The following GDPD1 variants were observed in gnomAD, a reference collection of about 807,000 sequenced individuals.
GDPD1 encodes glycerophosphodiester phosphodiesterase domain containing 1.
GDPD1 carries 28 observed loss-of-function variants against 45.1 expected under a neutral mutation model. The ratio of observed to expected loss-of-function variants is 0.62; its 90% CI spans 0.46 to 0.85. The LOEUF is 0.85. Ranked by LOEUF, GDPD1 falls within the 40% of genes least tolerant of loss-of-function variation. GDPD1 has a pLI of 0.00. For missense variants in GDPD1, 256 were observed against 364.8 expected (o/e 0.70, Z 2.43); for synonymous variants, 139 against 131.4 (o/e 1.06, Z -0.40).
chr17:59,261,777 G>T lies in GDPD1; in HGVS notation c.576+3937G>T, dbSNP rs1045059656. ...GCCTTTTGAGTAGCTGGGACTACAG[G>T]TATGTACCACCATGCCTGGCTAATT... On this transcript the variant is annotated intron_variant, in intron 6 of 9. Coordinates refer to ENST00000284116, the MANE Select transcript of GDPD1 (RefSeq NM_182569.4). 9.2e-5 allele frequency among the ~76,000 whole-genome samples: 14 copies of T among 151,872 alleles called. No homozygotes were observed. In the South Asian group the frequency reaches 1.2e-3, roughly 14 times the overall value.
intron 1 of GDPD1, among the ~76,000 whole-genome samples, chr17:59,222,617 C>G (rs888601733): frequency 4.1e-5 from 6 of 146,994 alleles, no homozygotes; most frequent in Non-Finnish European, 8.9e-5. Flanking sequence ...TGTGTTCAAG[C>G]GATTCTCCTG....
intron 6 of GDPD1, among the ~76,000 whole-genome samples, chr17:59,265,623 C>G (rs1371670995): frequency 6.6e-6 from 1 of 151,610 alleles, no homozygotes; most frequent in Non-Finnish European, 1.5e-5. Flanking sequence ...GTTGGCCAGG[C>G]AAGGTGGCTC....
intron 8 of GDPD1, among the ~76,000 whole-genome samples, chr17:59,271,911 A>G (rs2047447306): frequency 6.6e-6 from 1 of 152,156 alleles, no homozygotes; most frequent in Non-Finnish European, 1.5e-5. Context: ...CTGGGATTAC[A>G]GGTGTGAGCC....
At chr17:59,223,137 C>T (rs1362847806) in intron 1 of GDPD1, among the ~76,000 whole-genome samples, 2 of 152,116 alleles carry the variant, frequency 1.3e-5, no homozygotes, top group Non-Finnish European at 2.9e-5. Context: ...TTTTCGTTTA[C>T]TGTTGAAAAT....
intron 8 of GDPD1, 28 bp from the exon 9 acceptor site, chr17:59,272,757 T>A (rs370216059): frequency 1.4e-6 from 2 of 1,389,256 alleles, no homozygotes; most frequent in Admixed American, 1.7e-5. Context: ...ACTAAATTCC[T>A]AAATCAGTTT....
chr17:59,231,480 C>T (rs2047089748), intron 1 of GDPD1, among the ~76,000 whole-genome samples: 1 of 151,820 alleles, frequency 6.6e-6, no homozygotes, highest in Admixed American at 6.6e-5. Flanking sequence ...GCACCCACCA[C>T]CATGCCCAGC....
At chr17:59,230,731 A>G (rs137934271) in intron 1 of GDPD1, among the ~76,000 whole-genome samples, 45 of 152,208 alleles carry the variant, frequency 3.0e-4, no homozygotes, top group African/African-American at 1.1e-3. Context: ...TTAAAGATTA[A>G]AGGTGATTAG....
intron 1 of GDPD1, among the ~76,000 whole-genome samples, chr17:59,230,673 T>C (rs1373003845): frequency 1.3e-5 from 2 of 152,086 alleles, no homozygotes; most frequent in African/African-American, 4.8e-5. Flanking sequence ...TGAGCCACCA[T>C]GCCCGGCCCA....
At chr17:59,270,382 C>CG (rs11412206) in intron 7 of GDPD1, among the ~76,000 whole-genome samples, 15,184 of 147,070 alleles carry the variant, frequency 0.1, 1,544 homozygotes, top group African/African-American at 0.26. Context: ...TTAGTAGAGA[C>CG]GGGGGGGGGT....
chr17:59,272,975 C>T (rs1177913918), intron 9 of GDPD1, 139 bp downstream of exon 9: 2 of 1,549,018 alleles, frequency 1.3e-6, no homozygotes, highest in Non-Finnish European at 1.7e-6. Flanking sequence ...AAATGAGGAC[C>T]TTAAGCTCTT....
At chr17:59,243,667 C>T (rs1006191144) in intron 2 of GDPD1, among the ~76,000 whole-genome samples, 2 of 152,174 alleles carry the variant, frequency 1.3e-5, no homozygotes, top group Non-Finnish European at 2.9e-5. Context: ...TCTCCATCAT[C>T]GTACCTATTT....
At position 59,227,185 on chromosome 17, in the gene GDPD1, G is replaced by T. The variant is rs1490544356; in HGVS notation, c.142+6434G>T. ...ACACACCTGTAATCCCAGCACTTTG[G>T]GAGGCCGAGGATCACCTGAGGTCAG... On this transcript the variant is annotated intron_variant, in intron 1 of 9. Transcript: ENST00000284116. Among the ~76,000 whole-genome samples the T allele has an allele frequency of 2.0e-5, 3 of 151,780 alleles. No individual in the cohort carries two copies. The East Asian group carries it at 5.8e-4, about 29-fold the overall frequency.
chr17:59,248,332 T>A (rs1262757147), intron 3 of GDPD1, among the ~76,000 whole-genome samples: 2 of 151,202 alleles, frequency 1.3e-5, no homozygotes, highest in Non-Finnish European at 2.9e-5. Flanking sequence ...AATAAAATAA[T>A]ATTTACTAGT....
rs181784326 is a variant in GDPD1, at chr17:59,273,079, G to A, written c.822+243G>A. On this transcript the variant is annotated intron_variant, in intron 9 of 9. Coordinates refer to ENST00000284116, the MANE Select transcript of GDPD1 (RefSeq NM_182569.4). ...GCCAGAGGGGTGGGACAGTGTTTGT[G>A]TGTGTGTATATATATATAAATATAT... 1,535 of 471,274 alleles carry A rather than the reference G, an allele frequency of 3.3e-3. 4 individuals carry two copies. The highest frequency in any genetic ancestry group is 4.3e-3 in the Non-Finnish European group (1,242 of 288,938). 29.2% of individuals were successfully genotyped at this position (471,274 alleles called of 1,614,324 possible).
intron 3 of GDPD1, among the ~76,000 whole-genome samples, chr17:59,247,442 C>G (rs536333221): frequency 1.8e-4 from 28 of 152,240 alleles, no homozygotes; most frequent in African/African-American, 6.5e-4. Context: ...ATAGTTTTGT[C>G]TTTTCCAGAA....
intron 3 of GDPD1, 27 bp from the exon 4 acceptor site, chr17:59,248,713 T>G (rs1471010282): frequency 1.3e-6 from 2 of 1,526,784 alleles, no homozygotes; most frequent in South Asian, 1.2e-5. Context: ...GAGAGTTAAC[T>G]TTTTTTTCAA....
At chr17:59,245,668 TAAACATCAAAG>T (rs1444883886) in intron 3 of GDPD1, 119 bp downstream of exon 3, 1 of 732,116 alleles carries the variant, frequency 1.4e-6, no homozygotes, top group Non-Finnish European at 2.1e-6. Context: ...GATTAAATAC[TAAACATCAAAG>T]GAAATTTTAA....
intron 4 of GDPD1, 60 bp from the exon 5 acceptor site, chr17:59,257,062 T>C: frequency 1.3e-6 from 1 of 793,748 alleles, no homozygotes; most frequent in Non-Finnish European, 2.1e-6. Flanking sequence ...ATACCTTCTC[T>C]AGTCATCAAA....
intron 2 of GDPD1, among the ~76,000 whole-genome samples, chr17:59,241,858 G>A (rs2047178226): frequency 6.6e-6 from 1 of 151,950 alleles, no homozygotes; most frequent in Non-Finnish European, 1.5e-5. Flanking sequence ...AACCTGGGAG[G>A]CAGAGGTTGC....
Sources: allele counts gnomAD v4.1 joint callset (sites outside exome capture counted in the v4.1 genomes callset), GRCh38; gene constraint gnomAD v4.1.1; transcripts MANE v1.5; gene names NCBI Gene and HGNC (gene_info 2026-07-23, HGNC 2026-07-21).